SLC9D1: variants seen among roughly 807,000 people sequenced by gnomAD.
SLC9D1 encodes solute carrier family 9 member D1, also known as putative LAG1-interacting protein.
chr13:113,511,808 G>T, the SLC9D1 span: 5 of 152,344 alleles, frequency 3.3e-5, no homozygotes, highest in Admixed American at 3.3e-4. Flanking sequence ...TCTGTGGCTG[G>T]AAAAGAGCTG....
chr13:113,527,596 GTTT>G, the SLC9D1 span: 2 of 152,102 alleles, frequency 1.3e-5, no homozygotes, highest in Admixed American at 1.3e-4. Context: ...AGCTTTCAAG[GTTT>G]TTTTCTCTGT....
chr13:113,547,193 AT>A, the SLC9D1 span: 1 of 864,580 alleles, frequency 1.2e-6, no homozygotes, highest in Non-Finnish European at 1.9e-6. Flanking sequence ...AGGATTTAGG[AT>A]TTTAATTCCT....
the SLC9D1 span, chr13:113,548,598 C>G: frequency 5.2e-4 from 432 of 824,348 alleles, 1 homozygote; most frequent in African/African-American, 6.5e-3. Flanking sequence ...GGCCTGGCTG[C>G]TCTCTGCTCA....
chr13:113,493,385 T>A, the SLC9D1 span, among the ~76,000 whole-genome samples: 3 of 152,370 alleles, frequency 2.0e-5, no homozygotes, highest in South Asian at 6.2e-4. Flanking sequence ...GTCTTGGTTC[T>A]GGAAAATACT....
chr13:113,519,394 TGGG>T, the SLC9D1 span, among the ~76,000 whole-genome samples: 3 of 149,506 alleles, frequency 2.0e-5, no homozygotes, highest in Non-Finnish European at 4.4e-5. Flanking sequence ...GGGGTGGGGT[TGGG>T]GGAATGACAA....
chr13:113,547,874 C>T, the SLC9D1 span, among the ~76,000 whole-genome samples: 3 of 151,832 alleles, frequency 2.0e-5, no homozygotes, highest in South Asian at 2.1e-4. Flanking sequence ...CTGTGATGAT[C>T]GTTGGACCAC....
chr13:113,546,409 G>A, the SLC9D1 span, among the ~76,000 whole-genome samples: 2 of 152,048 alleles, frequency 1.3e-5, no homozygotes, highest in African/African-American at 2.4e-5. This position sits in a 1 kb window ranked among gnomAD's most constrained non-coding sequence, Gnocchi z 7.1. Context: ...GCATGGAGGG[G>A]GCAGCTCTGA....
the SLC9D1 span, among the ~76,000 whole-genome samples, chr13:113,497,649 AGAGACCTGCAGCTGTGT>A: frequency 7.5e-6 from 1 of 133,506 alleles, no homozygotes; most frequent in Non-Finnish European, 1.6e-5. Context: ...CAGCTGTGTG[AGAGACCTGCAGCTGTGT>A]GAGACCTGCA....
the SLC9D1 span, chr13:113,495,887 G>C: frequency 6.2e-7 from 1 of 1,614,214 alleles, no homozygotes; most frequent in Non-Finnish European, 8.5e-7. Flanking sequence ...TCCAGAAAGA[G>C]CTGAATGAAA....
the SLC9D1 span, among the ~76,000 whole-genome samples, chr13:113,494,305 C>T: frequency 7.9e-5 from 12 of 152,252 alleles, no homozygotes; most frequent in African/African-American, 2.4e-4. Flanking sequence ...CCAAATTCCA[C>T]GGACTCTACG....
chr13:113,542,321 G>C, the SLC9D1 span, among the ~76,000 whole-genome samples: 1 of 47,418 alleles, frequency 2.1e-5, no homozygotes, highest in Non-Finnish European at 3.7e-5. Flanking sequence ...CACGGTCGCT[G>C]ATCACTGCCA....
At chr13:113,509,274 G>A in the SLC9D1 span, among the ~76,000 whole-genome samples, 1 of 147,814 alleles carries the variant, frequency 6.8e-6, no homozygotes, top group East Asian at 2.0e-4. Flanking sequence ...GGGACTGGTG[G>A]GCTTGGTGGG....
chr13:113,524,235 T>C, the SLC9D1 span: 1 of 453,366 alleles, frequency 2.2e-6, no homozygotes, highest in African/African-American at 2.0e-5. Context: ...TCCTTTGAGT[T>C]CAATCAGCTT....
chr13:113,534,285 CTCTT>C, the SLC9D1 span: 1 of 1,428,166 alleles, frequency 7.0e-7, no homozygotes, highest in Non-Finnish European at 9.8e-7. Context: ...GATACATAAT[CTCTT>C]TCACTGAAAT....
chr13:113,547,241 T>C, the SLC9D1 span: 1 of 1,265,354 alleles, frequency 7.9e-7, no homozygotes, highest in South Asian at 1.2e-5. Context: ...TTGTGAGAAA[T>C]AGTGTGCGCT....
the SLC9D1 span, among the ~76,000 whole-genome samples, chr13:113,507,122 G>A: frequency 6.6e-6 from 1 of 152,184 alleles, no homozygotes; most frequent in South Asian, 2.1e-4. Flanking sequence ...GGATGTGCGG[G>A]TGTCTTGGCG....
At chr13:113,548,530 C>T in the SLC9D1 span, 8 of 1,495,946 alleles carry the variant, frequency 5.3e-6, no homozygotes, top group Admixed American at 2.1e-5. Flanking sequence ...GTGGCGAAGG[C>T]GGCTCGGCAG....
the SLC9D1 span, among the ~76,000 whole-genome samples, chr13:113,537,614 G>A: frequency 6.6e-6 from 1 of 152,290 alleles, no homozygotes; most frequent in Non-Finnish European, 1.5e-5. Flanking sequence ...CAGCATCATC[G>A]CTTATGAATT....
the SLC9D1 span, among the ~76,000 whole-genome samples, chr13:113,537,447 G>A: frequency 3.3e-5 from 5 of 152,332 alleles, no homozygotes; most frequent in East Asian, 9.7e-4. Context: ...TCCAGGCCTG[G>A]CCGCGTCGCC....
Sources: allele counts gnomAD v4.1 joint callset (sites outside exome capture counted in the v4.1 genomes callset), GRCh38; gene constraint gnomAD v4.1.1; non-coding constraint Gnocchi (gnomAD v3.1); transcripts MANE v1.5; gene names NCBI Gene and HGNC (gene_info 2026-07-23, HGNC 2026-07-21).